Variants in CP observed in about 807,000 individuals in gnomAD.
CP encodes the protein ceruloplasmin.
A neutral mutation model predicts 122.4 loss-of-function variants in CP; 64 were observed. The ratio of observed to expected loss-of-function variants is 0.52; its 90% CI spans 0.43 to 0.64. CP has a LOEUF of 0.64. Ranked by LOEUF, CP falls within the 30% of genes least tolerant of loss-of-function variation. The pLI, the probability that CP is intolerant of heterozygous loss-of-function variation, is 0.00. For missense variants in CP, 1,167 were observed against 1,284.4 expected (o/e 0.91, Z 1.40); for synonymous variants, 440 against 436.4 (o/e 1.01, Z -0.10).
intron 9 of CP, among the ~76,000 whole-genome samples, chr3:149,192,092 TA>T (rs1726580683): frequency 6.6e-6 from 1 of 152,094 alleles, no homozygotes; most frequent in Non-Finnish European, 1.5e-5. Flanking sequence ...TATCTAAGAA[TA>T]AAAAGGGAAA....
chr3:149,175,140 A>G (rs1008339234), intron 18 of CP, among the ~76,000 whole-genome samples: 1 of 152,050 alleles, frequency 6.6e-6, no homozygotes, highest in Non-Finnish European at 1.5e-5. Flanking sequence ...TTTGAGCAAG[A>G]CCATCCTTTT....
chr3:149,169,541 C>T (rs1016299381), downstream of CP, among the ~76,000 whole-genome samples: 1 of 152,178 alleles, frequency 6.6e-6, no homozygotes, highest in African/African-American at 2.4e-5. Context: ...TGTCCGTGTG[C>T]GTGGGGGTTT....
chr3:149,174,545 A>G (rs1229314293), intron 18 of CP, among the ~76,000 whole-genome samples: 3 of 152,188 alleles, frequency 2.0e-5, no homozygotes, highest in Admixed American at 1.3e-4. Context: ...AATTATGTCA[A>G]AAAAGTTTCA....
chr3:149,174,576 T>A (rs1178999531), intron 18 of CP, among the ~76,000 whole-genome samples: 1 of 152,220 alleles, frequency 6.6e-6, no homozygotes, highest in Non-Finnish European at 1.5e-5. Flanking sequence ...TTCATTGAAT[T>A]AATATGTTGT....
rs149035449 is a variant in CP at position 149,185,644 on chromosome 3, C to T, written c.2078-198G>A. Reference sequence around the variant, plus strand: ...GTGTGTGCCTGCCTTGGGAACTTTGCACTTGCTGTTTCCTCTGCCTTCTCC... The same window carrying T: ...GTGTGTGCCTGCCTTGGGAACTTTGTACTTGCTGTTTCCTCTGCCTTCTCC... On this transcript the variant is annotated intron_variant, in intron 11 of 18. Transcript: ENST00000264613. 5.1e-4 allele frequency among the ~76,000 whole-genome samples: 78 copies of T among 152,234 alleles called. No individual in the cohort carries two copies. The East Asian group carries it at 0.014, about 27-fold the overall frequency.
chr3:149,163,796 C>A (rs373443188), intron 5 of CP: 483 of 1,044,400 alleles, frequency 4.6e-4, no homozygotes, highest in Non-Finnish European at 5.9e-4. Context: ...GATAAGCAAG[C>A]TTTTGTTGTT....
At position 149,183,622 on chromosome 3, in the gene CP, A is replaced by G. The variant is rs2108230693; in HGVS notation, c.2286-17T>C. 6.6e-7 allele frequency: 1 copy of G among 1,510,094 alleles called. No homozygotes were observed. Among genetic ancestry groups the G allele is most frequent in the Non-Finnish European group, 9.1e-7 (1 of 1,098,008 alleles). 93.5% of individuals were successfully genotyped at this position (1,510,094 alleles called of 1,614,324 possible). On this transcript the variant is annotated splice_polypyrimidine_tract_variant and intron_variant, in intron 12 of 18. Transcript: ENST00000264613. ...TTTGAAACACTTAAAAAAAAAAACA[A>G]CTAAGGTTAGTATTTGTCTTAATGA... is the stretch of plus-strand genomic sequence containing the variant.
intron 18 of CP, among the ~76,000 whole-genome samples, chr3:149,175,664 AGT>A (rs60005904): frequency 6.3e-3 from 916 of 144,932 alleles, no homozygotes; most frequent in Non-Finnish European, 8.6e-3. Context: ...CTCCATTTTA[AGT>A]GTGTGTGTGT....
At chr3:149,168,050 T>C, downstream of CP, 1 of 946,700 alleles carries the variant, frequency 1.1e-6, no homozygotes, top group Non-Finnish European at 1.7e-6. Context: ...TGAAGCCTTC[T>C]TAAGTATTTT....
Position 149,195,865 on chromosome 3 carries a change from C to CA in CP, c.1713+2501dup, listed in dbSNP as rs1207450901. Among the ~76,000 whole-genome samples, 313 of 54,090 alleles carry CA rather than the reference C, an allele frequency of 5.8e-3. 1 individual carries two copies. Among genetic ancestry groups the CA allele is most frequent in the South Asian group, 0.017 (27 of 1,614 alleles). 35.5% of individuals were successfully genotyped at this position (54,090 alleles called of 152,430 possible). On this transcript the variant is annotated intron_variant, in intron 9 of 18. Coordinates refer to ENST00000264613, the MANE Select transcript of CP (RefSeq NM_000096.4). Reference sequence around the variant, plus strand: ...TGGTTGACAGAGCGAGACACCGTCTCAAAAAAAAAAAAAAAGAATAAACTA... The same window carrying CA: ...TGGTTGACAGAGCGAGACACCGTCTCAAAAAAAAAAAAAAAAGAATAAACTA...
chr3:149,170,301 G>GT (rs571758095), downstream of CP, among the ~76,000 whole-genome samples: 1 of 152,126 alleles, frequency 6.6e-6, no homozygotes, highest in African/African-American at 2.4e-5. Flanking sequence ...CTCCAACTCA[G>GT]TTTTTTTGTT....
intron 10 of CP, 23 bp downstream of exon 10, chr3:149,188,029 T>C (rs1461324841): frequency 1.1e-5 from 18 of 1,611,000 alleles, no homozygotes; most frequent in East Asian, 4.5e-5. Context: ...ACTTGGTAGA[T>C]TGGTGGATGA....
downstream of CP, chr3:149,168,133 C>T (rs1724617721): frequency 1.6e-6 from 1 of 627,230 alleles, no homozygotes; most frequent in Non-Finnish European, 2.9e-6. Flanking sequence ...TTCACGTACC[C>T]TCCCCTTGAC....
At position 149,162,661 on chromosome 3, in the gene CP, A is replaced by C. The variant is rs750015055; in HGVS notation, c.*228T>G. ...TTTATCAGTGCTATATTTATCTGGAATATAGAGGCTCCTTTTACTGTTTTT... is the reference window on the plus strand; with the variant it reads ...TTTATCAGTGCTATATTTATCTGGACTATAGAGGCTCCTTTTACTGTTTTT... On this transcript the variant is annotated 3_prime_UTR_variant, in exon 6 of 6. Coordinates refer to the CP transcript ENST00000479771. The C allele has an allele frequency of 5.6e-6, 9 of 1,610,986 alleles. No individual in the cohort carries two copies. In the South Asian group the frequency reaches 9.9e-5, roughly 18 times the overall value.
At chr3:149,204,928 T>G (rs900090230) in intron 6 of CP, among the ~76,000 whole-genome samples, 3 of 152,072 alleles carry the variant, frequency 2.0e-5, no homozygotes, top group Non-Finnish European at 4.4e-5. Context: ...AGACAACCTA[T>G]AGAATGCCAG....
chr3:149,217,940 C>A (rs541738325), intron 1 of CP: 1 of 429,026 alleles, frequency 2.3e-6, no homozygotes. Context: ...GGTCATTAGG[C>A]CTGCTTATAG....
At chr3:149,172,203 G>A (rs527240120), downstream of CP, 22 of 1,613,066 alleles carry the variant, frequency 1.4e-5, no homozygotes, top group East Asian at 2.5e-4. Context: ...TATTGCAGTC[G>A]AAAGAAACCA....
At chr3:149,197,958 C>G (rs138283391) in intron 9 of CP, among the ~76,000 whole-genome samples, 278 of 152,154 alleles carry the variant, frequency 1.8e-3, no homozygotes, top group African/African-American at 6.4e-3. Flanking sequence ...GTTGGGGACC[C>G]CTGTGTTAAA....
intron 18 of CP, 152 bp downstream of exon 18, chr3:149,176,098 C>T: frequency 1.4e-6 from 1 of 721,152 alleles, no homozygotes; most frequent in Non-Finnish European, 2.3e-6. Context: ...GGAAAAAAAT[C>T]CTGTTTGGAG....
Sources: gnomAD v4.1 joint callset for allele counts (sites outside exome capture counted in the v4.1 genomes callset) on GRCh38, gnomAD v4.1.1 for gene constraint, MANE v1.5 for transcripts, NCBI Gene and HGNC (gene_info 2026-07-23, HGNC 2026-07-21) for gene names.